SH3RF1: variants seen among roughly 807,000 people sequenced by gnomAD.
SH3RF1 encodes the protein E3 ubiquitin-protein ligase SH3RF1.
In SH3RF1, 32 loss-of-function variants were observed where a neutral mutation model predicts 74.0. That is an observed-to-expected ratio of 0.43 (90% CI 0.33 to 0.58). SH3RF1 has a LOEUF of 0.58. Ranked by LOEUF, SH3RF1 falls within the 20% of genes least tolerant of loss-of-function variation. The pLI is 0.05. For synonymous variants in SH3RF1, 396 were observed against 439.6 expected, an observed-to-expected ratio of 0.90 and a Z score of 1.24; for missense variants, 954 against 1,130.9, an observed-to-expected ratio of 0.84 and a Z score of 2.24.
In SH3RF1 at chr4:169,172,203, C is replaced by T. The variant is rs571585738; in HGVS notation, c.394-15524G>A. 2.7e-3 allele frequency among the ~76,000 whole-genome samples: 416 copies of T among 152,288 alleles called. 1 individual carries two copies. The highest frequency in any genetic ancestry group is 4.6e-3 in the Non-Finnish European group (316 of 68,016). On this transcript the variant is annotated intron_variant, in intron 2 of 11. Coordinates refer to ENST00000284637, the MANE Select transcript of SH3RF1 (RefSeq NM_020870.4). ...GGTCACCCCACCAGGTAAAAAGCCA[C>T]GACCAGCTCAGTTGCTTGCTGAAGG...
At chr4:169,240,780 G>A (rs1730895139) in intron 2 of SH3RF1, among the ~76,000 whole-genome samples, 1 of 152,056 alleles carries the variant, frequency 6.6e-6, no homozygotes, top group Non-Finnish European at 1.5e-5. Flanking sequence ...CAGTCACCAT[G>A]CTGCACTTGC....
At chr4:169,186,955 A>C (rs1734615201) in intron 2 of SH3RF1, among the ~76,000 whole-genome samples, 1 of 150,274 alleles carries the variant, frequency 6.7e-6, no homozygotes, top group African/African-American at 2.4e-5. Context: ...CGGGGCTTGC[A>C]GTGAGCGAAG....
At chr4:169,118,929 A>G (rs1213864858) in intron 8 of SH3RF1, among the ~76,000 whole-genome samples, 1 of 152,218 alleles carries the variant, frequency 6.6e-6, no homozygotes, top group Non-Finnish European at 1.5e-5. Flanking sequence ...TAAGTTCAGT[A>G]TAGTTTTGTG....
At chr4:169,250,217 T>C (rs1731078179) in intron 2 of SH3RF1, among the ~76,000 whole-genome samples, 1 of 152,128 alleles carries the variant, frequency 6.6e-6, no homozygotes, top group African/African-American at 2.4e-5. Context: ...AACACTGAAG[T>C]ACACCAATGC....
intron 4 of SH3RF1, among the ~76,000 whole-genome samples, chr4:169,146,679 GA>G (rs1733900638): frequency 6.6e-6 from 1 of 152,146 alleles, no homozygotes. Flanking sequence ...CAGGGAGTAA[GA>G]AAGCAGAGGC....
chr4:169,122,079 A>C, intron 7 of SH3RF1, 21 bp downstream of exon 7: 1 of 1,609,956 alleles, frequency 6.2e-7, no homozygotes, highest in Non-Finnish European at 8.5e-7. Flanking sequence ...ATAAGCAGTA[A>C]CAGACGACAC....
chr4:169,170,516 T>C (rs948786149), intron 2 of SH3RF1, among the ~76,000 whole-genome samples: 3 of 152,202 alleles, frequency 2.0e-5, no homozygotes, highest in Admixed American at 6.5e-5. Flanking sequence ...AAACATATGC[T>C]TTTTGAAAAT....
intron 11 of SH3RF1, among the ~76,000 whole-genome samples, chr4:169,099,226 C>T (rs1732977276): frequency 6.6e-6 from 1 of 152,224 alleles, no homozygotes; most frequent in Non-Finnish European, 1.5e-5. Context: ...CCGGCTGGGA[C>T]TACAGGTGTG....
chr4:169,260,338 G>A (rs756601952), intron 2 of SH3RF1, among the ~76,000 whole-genome samples: 7 of 152,158 alleles, frequency 4.6e-5, no homozygotes, highest in Non-Finnish European at 1.0e-4. Flanking sequence ...CAATGGAGAA[G>A]GACTGCTTTC....
At chr4:169,242,948 G>A (rs1730937102) in intron 2 of SH3RF1, among the ~76,000 whole-genome samples, 1 of 152,192 alleles carries the variant, frequency 6.6e-6, no homozygotes, top group Non-Finnish European at 1.5e-5. Context: ...CACCAGGTAT[G>A]TGCATTTTTA....
At chr4:169,246,894 A>G (rs1325750574) in intron 2 of SH3RF1, among the ~76,000 whole-genome samples, 1 of 152,262 alleles carries the variant, frequency 6.6e-6, no homozygotes, top group East Asian at 1.9e-4. Context: ...ACTGCTGTAG[A>G]AAGAAAAACT....
rs1405790568 is a variant in SH3RF1 at position 169,101,663 on chromosome 4, TA to T, written c.2499-4977del. ...ATATGAATGAATAAAATTTTTTGTT[TA>T]AAAAAAAGGCAAAAAAAAAAAAAAA... On this transcript the variant is annotated intron_variant, in intron 11 of 11. Transcript: ENST00000284637. 4.8e-3 allele frequency among the ~76,000 whole-genome samples: 609 copies of T among 125,692 alleles called. 5 individuals are homozygous for T. The highest frequency in any genetic ancestry group is 0.017 in the African/African-American group (579 of 33,518). 82.5% of individuals were successfully genotyped at this position (125,692 alleles called of 152,430 possible). A position where few individuals can be genotyped will look rare whatever the true frequency, so the allele number is the denominator to read the frequency against.
intron 8 of SH3RF1, among the ~76,000 whole-genome samples, chr4:169,118,174 C>CT (rs1444245075): frequency 6.6e-6 from 1 of 152,176 alleles, no homozygotes; most frequent in Non-Finnish European, 1.5e-5. Flanking sequence ...TCCTGGCTTC[C>CT]TACTTGCCTC....
intron 2 of SH3RF1, among the ~76,000 whole-genome samples, chr4:169,252,311 C>CA (rs1429753842): frequency 6.6e-6 from 1 of 152,202 alleles, no homozygotes; most frequent in African/African-American, 2.4e-5. Context: ...TTCTCTCTTT[C>CA]AAGATTATAA....
At chr4:169,209,874 T>C (rs770870559) in intron 2 of SH3RF1, among the ~76,000 whole-genome samples, 13 of 152,160 alleles carry the variant, frequency 8.5e-5, no homozygotes, top group Non-Finnish European at 1.3e-4. Context: ...ACTGCAGCCT[T>C]GACCTCTCAG....
At chr4:169,255,276 A>G (rs917855046) in intron 2 of SH3RF1, among the ~76,000 whole-genome samples, 10 of 152,260 alleles carry the variant, frequency 6.6e-5, no homozygotes, top group African/African-American at 2.4e-4. Context: ...CCATTAAAAA[A>G]TATATAAATT....
chr4:169,160,454 A>G (rs1457472794), intron 2 of SH3RF1, among the ~76,000 whole-genome samples: 1 of 152,230 alleles, frequency 6.6e-6, no homozygotes, highest in Non-Finnish European at 1.5e-5. Context: ...GATATACATT[A>G]TGGTTAGCCT....
At chr4:169,234,312 C>G (rs1233520875) in intron 2 of SH3RF1, among the ~76,000 whole-genome samples, 1 of 151,812 alleles carries the variant, frequency 6.6e-6, no homozygotes, top group Non-Finnish European at 1.5e-5. Context: ...AAAGAAACAC[C>G]CTCCCCACCC....
At chr4:169,182,127 A>T (rs1350779666) in intron 2 of SH3RF1, among the ~76,000 whole-genome samples, 1 of 152,242 alleles carries the variant, frequency 6.6e-6, no homozygotes, top group African/African-American at 2.4e-5. Flanking sequence ...TGAAATGGGG[A>T]CTATTCCAGA....
Sources: allele counts gnomAD v4.1 joint callset (sites outside exome capture counted in the v4.1 genomes callset), GRCh38; gene constraint gnomAD v4.1.1; transcripts MANE v1.5; gene names NCBI Gene and HGNC (gene_info 2026-07-23, HGNC 2026-07-21).